The following SLC9A6 variants were observed in gnomAD, a reference collection of about 807,000 sequenced individuals.
SLC9A6 encodes sodium/hydrogen exchanger 6.
SLC9A6 carries 6 observed loss-of-function variants against 45.3 expected under a neutral mutation model. The ratio of observed to expected loss-of-function variants is 0.13; its 90% CI spans 0.07 to 0.26. The LOEUF is 0.26. Ranked by LOEUF, SLC9A6 falls within the 10% of genes least tolerant of loss-of-function variation. The pLI is 1.00. For synonymous variants in SLC9A6, 191 were observed against 187.7 expected, an observed-to-expected ratio of 1.02 and a Z score of -0.14; for missense variants, 278 against 503.7, an observed-to-expected ratio of 0.55 and a Z score of 4.29.
intron 7 of SLC9A6, among the ~76,000 whole-genome samples, chrX:136,005,038 C>T (rs2089636473): frequency 8.9e-6 from 1 of 112,152 alleles, no homozygotes; most frequent in African/African-American, 3.2e-5. Context: ...GACAACTATT[C>T]TACTGTTCAG....
chrX:136,001,905 A>G (rs1424898271), intron 6 of SLC9A6, among the ~76,000 whole-genome samples: 2 of 112,122 alleles, frequency 1.8e-5, no homozygotes, highest in Non-Finnish European at 3.8e-5. Context: ...TAAGAGAGAG[A>G]GGAGAAGTTT....
intron 15 of SLC9A6, 188 bp downstream of exon 15, chrX:136,030,350 C>T: frequency 2.1e-6 from 1 of 472,132 alleles, no homozygotes; most frequent in Admixed American, 3.0e-5. Flanking sequence ...TGCCACAGTG[C>T]CATAGTGTGT....
chrX:135,988,599 T>A (rs1468164778), intron 2 of SLC9A6, among the ~76,000 whole-genome samples: 2 of 107,953 alleles, frequency 1.9e-5, no homozygotes, highest in Non-Finnish European at 3.8e-5. Flanking sequence ...TGAAGTTTTC[T>A]TTTTCCTTTT....
chrX:136,001,866 A>G (rs192751909), intron 6 of SLC9A6, among the ~76,000 whole-genome samples: 2 of 112,504 alleles, frequency 1.8e-5, no homozygotes, highest in East Asian at 5.5e-4. Context: ...AGGCCAACTC[A>G]GTTCTTCAGG....
chrX:136,018,248 ATAGT>A (rs2071058466), intron 11 of SLC9A6, among the ~76,000 whole-genome samples: 2 of 111,817 alleles, frequency 1.8e-5, no homozygotes, highest in Admixed American at 9.5e-5. Flanking sequence ...GGTTCGTGAA[ATAGT>A]TGTTGTAGAG....
chrX:135,992,199 T>C (rs782472536), intron 2 of SLC9A6, among the ~76,000 whole-genome samples: 1 of 111,764 alleles, frequency 8.9e-6, no homozygotes, highest in African/African-American at 3.3e-5. Flanking sequence ...CCCACCTGGT[T>C]ACCAAATCAA....
chrX:136,024,896 A>G (rs782595107), intron 13 of SLC9A6, among the ~76,000 whole-genome samples: 11 of 112,114 alleles, frequency 9.8e-5, no homozygotes, highest in African/African-American at 2.3e-4. Flanking sequence ...TGCTATTACC[A>G]TTACCATTTG....
chrX:136,033,836 G>A (rs782396455), intron 16 of SLC9A6, among the ~76,000 whole-genome samples: 2 of 111,984 alleles, frequency 1.8e-5, no homozygotes, highest in South Asian at 7.5e-4. Flanking sequence ...GTATTTCTTG[G>A]TTCTTGTCTG....
intron 7 of SLC9A6, among the ~76,000 whole-genome samples, chrX:136,007,233 C>T (rs1264086754): frequency 9.1e-6 from 1 of 109,623 alleles, no homozygotes; most frequent in Non-Finnish European, 1.9e-5. Context: ...ACCCCCTCAC[C>T]ACACACACAC....
chrX:135,994,801 T>C lies in SLC9A6; in HGVS notation c.185T>C (p.Leu62Pro). Residue 62 changes from leucine (L) to proline (P), a missense_variant, in exon 3 of 18, where the codon CTT becomes CCT. Physicochemically the swap from Leu to Pro is moderately conservative, Grantham distance 98. Coordinates refer to ENST00000630721, the MANE Select transcript of SLC9A6 (RefSeq NM_001379110.1). Reference sequence around the variant, plus strand: ...TTTTTTCCAGGTCTTTTGGTGGGCCTTGTGCTTCGGTATGGCATTCATGTT... The same window carrying C: ...TTTTTTCCAGGTCTTTTGGTGGGCCCTGTGCTTCGGTATGGCATTCATGTT... ...LAMIYGLLVG[L>P]VLRYGIHVPS... 1 of 1,211,470 alleles carries C rather than the reference T, an allele frequency of 8.3e-7. No individual in the cohort carries two copies. Among genetic ancestry groups the C allele is most frequent in the Non-Finnish European group, 1.1e-6 (1 of 895,260 alleles).
At chrX:136,043,934 A>G (rs1483855207) in intron 17 of SLC9A6, among the ~76,000 whole-genome samples, 1 of 111,711 alleles carries the variant, frequency 9.0e-6, no homozygotes, top group Non-Finnish European at 1.9e-5. Flanking sequence ...CCACATGTGA[A>G]TCGGTCTGCT....
At chrX:135,984,363 A>T (rs1205240443), upstream of SLC9A6, among the ~76,000 whole-genome samples, 1 of 111,794 alleles carries the variant, frequency 8.9e-6, no homozygotes, top group Admixed American at 9.5e-5. Flanking sequence ...GGGTGGTAGG[A>T]GCCTCAACAG....
chrX:136,008,356 C>T (rs1437666288), intron 7 of SLC9A6, among the ~76,000 whole-genome samples: 1 of 111,721 alleles, frequency 9.0e-6, no homozygotes, highest in African/African-American at 3.3e-5. Flanking sequence ...CTGCCTTAGC[C>T]TCCCAAGTAG....
At chrX:136,024,787 A>G (rs2071198755) in intron 13 of SLC9A6, among the ~76,000 whole-genome samples, 3 of 111,870 alleles carry the variant, frequency 2.7e-5, no homozygotes, top group African/African-American at 9.7e-5. Flanking sequence ...GGACATTTAC[A>G]TTGTAAATAT....
At chrX:135,999,309 T>C (rs1446993975) in intron 6 of SLC9A6, among the ~76,000 whole-genome samples, 1 of 111,030 alleles carries the variant, frequency 9.0e-6, no homozygotes, top group Non-Finnish European at 1.9e-5. Flanking sequence ...TATAGATTAG[T>C]TTAAATGGGT....
chrX:135,998,632 C>A, intron 5 of SLC9A6, 74 bp downstream of exon 5: 1 of 795,951 alleles, frequency 1.3e-6, no homozygotes. Flanking sequence ...TTGATTTATG[C>A]AGTGTTATAT....
At chrX:136,007,295 G>C (rs1556618119) in intron 7 of SLC9A6, among the ~76,000 whole-genome samples, 2 of 109,919 alleles carry the variant, frequency 1.8e-5, no homozygotes, top group African/African-American at 3.3e-5. Context: ...CAATGGGGGG[G>C]GGTTCCTATT....
chrX:135,973,910 G>A (rs1556612941), upstream of SLC9A6: 14 of 1,139,955 alleles, frequency 1.2e-5, 1 homozygote, highest in Non-Finnish European at 1.6e-5. Context: ...CTGCGCTATG[G>A]AGGCCTCTCT....
At chrX:136,042,168 T>TA (rs2071522735) in intron 17 of SLC9A6, among the ~76,000 whole-genome samples, 1 of 108,633 alleles carries the variant, frequency 9.2e-6, no homozygotes, top group Non-Finnish European at 1.9e-5. Flanking sequence ...ATAACAACCA[T>TA]CACACTTAAT....
Sources: gnomAD v4.1 joint callset for allele counts (sites outside exome capture counted in the v4.1 genomes callset) on GRCh38, gnomAD v4.1.1 for gene constraint, MANE v1.5 for transcripts, NCBI Gene and HGNC (gene_info 2026-07-23, HGNC 2026-07-21) for gene names.